Variants in KLHL1 observed in about 807,000 individuals in gnomAD.
The protein encoded by KLHL1 is kelch-like protein 1.
Under a neutral mutation model 77.7 loss-of-function variants are expected in KLHL1, and 47 were observed. The observed-to-expected ratio is 0.60, with a 90% CI of 0.48 to 0.77. The LOEUF is 0.77. Ranked by LOEUF, KLHL1 falls within the 30% of genes least tolerant of loss-of-function variation. KLHL1 has a pLI of 0.00. For synonymous variants in KLHL1, 360 were observed against 325.2 expected (o/e 1.11, Z -1.15); for missense variants, 925 against 910.8 (o/e 1.02, Z -0.20).
At chr13:69,738,602 A>G (rs752400674) in intron 8 of KLHL1, among the ~76,000 whole-genome samples, 2 of 152,150 alleles carry the variant, frequency 1.3e-5, no homozygotes, top group Non-Finnish European at 2.9e-5. Context: ...TTTACAATGC[A>G]AACACAAGTA....
chr13:69,813,539 C>A (rs1013157429), intron 6 of KLHL1, among the ~76,000 whole-genome samples: 3 of 150,508 alleles, frequency 2.0e-5, no homozygotes, highest in Non-Finnish European at 2.9e-5. Flanking sequence ...ACTTGATAAA[C>A]AACTGTGGCA....
intron 7 of KLHL1, among the ~76,000 whole-genome samples, chr13:69,742,005 A>G (rs541481061): frequency 6.6e-6 from 1 of 152,202 alleles, no homozygotes; most frequent in South Asian, 2.1e-4. Context: ...CACCTACCCA[A>G]TCTAGTTCCC....
intron 1 of KLHL1, among the ~76,000 whole-genome samples, chr13:70,091,766 C>T (rs896226526): frequency 4.6e-5 from 7 of 152,150 alleles, no homozygotes; most frequent in African/African-American, 1.4e-4. Context: ...TTTAATTCTA[C>T]ATTCTACTTC....
intron 1 of KLHL1, among the ~76,000 whole-genome samples, chr13:70,014,260 T>G (rs1017569599): frequency 2.0e-5 from 3 of 152,044 alleles, no homozygotes; most frequent in Non-Finnish European, 4.4e-5. Context: ...AATTTTCTGT[T>G]TAAATAATAG....
intron 8 of KLHL1, among the ~76,000 whole-genome samples, chr13:69,731,996 G>A (rs1313845511): frequency 1.3e-5 from 2 of 152,048 alleles, no homozygotes; most frequent in Admixed American, 6.6e-5. Flanking sequence ...AGACTTTAAA[G>A]ATGATAAAGA....
chr13:70,099,158 T>TTAC (rs145604618), intron 1 of KLHL1, among the ~76,000 whole-genome samples: 3,879 of 151,936 alleles, frequency 0.026, 116 homozygotes, highest in African/African-American at 0.073. Flanking sequence ...TTTTTAAGTT[T>TTAC]TACAATTTAA....
chr13:69,804,163 A>C (rs954237211), intron 6 of KLHL1, among the ~76,000 whole-genome samples: 4 of 152,226 alleles, frequency 2.6e-5, no homozygotes, highest in African/African-American at 9.6e-5. Context: ...TACAAATACA[A>C]AACTACTTTC....
chr13:69,819,033 C>T (rs532988523), intron 6 of KLHL1, among the ~76,000 whole-genome samples: 1 of 152,222 alleles, frequency 6.6e-6, no homozygotes, highest in East Asian at 1.9e-4. Flanking sequence ...AGGATGATTA[C>T]TATTAATTAA....
Position 70,099,631 on chromosome 13 carries a change from T to C in KLHL1, c.497+7572A>G, listed in dbSNP as rs537451598. On this transcript the variant is annotated intron_variant, in intron 1 of 10. Coordinates refer to ENST00000377844, the MANE Select transcript of KLHL1 (RefSeq NM_020866.3). ...TGCAAAGTAAGGATAATAAATACAA[T>C]AGATAAGTTTATGTGATTTATAATA... Among the ~76,000 whole-genome samples, 17 of 152,082 alleles carry C rather than the reference T, an allele frequency of 1.1e-4. No individual in the cohort carries two copies. The South Asian group carries it at 3.5e-3, about 31-fold the overall frequency.
intron 1 of KLHL1, among the ~76,000 whole-genome samples, chr13:70,029,709 A>C (rs1469575463): frequency 1.3e-5 from 2 of 152,224 alleles, no homozygotes; most frequent in African/African-American, 4.8e-5. Context: ...CCAGCAAAAT[A>C]ACCAGCTAAC....
chr13:69,869,493 T>C (rs562841170), intron 5 of KLHL1, among the ~76,000 whole-genome samples: 1 of 152,284 alleles, frequency 6.6e-6, no homozygotes, highest in African/African-American at 2.4e-5. Context: ...TATTTATCAC[T>C]TTTAACAATA....
chr13:69,867,212 T>G (rs7981986), intron 5 of KLHL1, among the ~76,000 whole-genome samples: 49,383 of 151,984 alleles, frequency 0.32, 8,503 homozygotes, highest in African/African-American at 0.45. Context: ...TAAAGTATTT[T>G]AAGTATTTTG....
At chr13:69,902,908 AAAATAAAT>A (rs147872291) in intron 4 of KLHL1, among the ~76,000 whole-genome samples, 8 of 152,134 alleles carry the variant, frequency 5.3e-5, no homozygotes, top group African/African-American at 1.9e-4. Flanking sequence ...AGTATAATAA[AAAATAAAT>A]AAATAGATAA....
chr13:69,926,114 A>G (rs577655433), intron 4 of KLHL1, among the ~76,000 whole-genome samples: 1 of 152,320 alleles, frequency 6.6e-6, no homozygotes, highest in African/African-American at 2.4e-5. Flanking sequence ...CTAGTTTTTT[A>G]TTATTAAAGT....
At chr13:69,893,850 T>C (rs908055585) in intron 4 of KLHL1, among the ~76,000 whole-genome samples, 12 of 152,234 alleles carry the variant, frequency 7.9e-5, no homozygotes, top group Non-Finnish European at 1.6e-4. Flanking sequence ...TAGGTATTTG[T>C]TGTGCGTGAA....
chr13:70,078,740 G>A (rs1316598788), intron 1 of KLHL1, among the ~76,000 whole-genome samples: 1 of 151,948 alleles, frequency 6.6e-6, no homozygotes, highest in African/African-American at 2.4e-5. Context: ...TCAGTCCAGT[G>A]GCAAAAATGT....
At chr13:70,001,462 T>C (rs1425201258) in intron 1 of KLHL1, among the ~76,000 whole-genome samples, 2 of 151,344 alleles carry the variant, frequency 1.3e-5, no homozygotes, top group African/African-American at 2.4e-5. Context: ...ATAAGCTAAA[T>C]CGCACATATA....
chr13:69,816,059 A>C (rs939767639), intron 6 of KLHL1, among the ~76,000 whole-genome samples: 10 of 152,128 alleles, frequency 6.6e-5, no homozygotes, highest in African/African-American at 2.4e-4. Flanking sequence ...ATTAATGTGA[A>C]TGCAATAGGT....
intron 1 of KLHL1, among the ~76,000 whole-genome samples, chr13:70,076,483 T>G (rs996565922): frequency 6.7e-6 from 1 of 149,236 alleles, no homozygotes; most frequent in Non-Finnish European, 1.5e-5. Flanking sequence ...AAAAGGGGCA[T>G]AGACAGACAC....
Sources: gnomAD v4.1 joint callset for allele counts (sites outside exome capture counted in the v4.1 genomes callset) on GRCh38, gnomAD v4.1.1 for gene constraint, MANE v1.5 for transcripts, NCBI Gene and HGNC (gene_info 2026-07-23, HGNC 2026-07-21) for gene names.